The following MEIOB variants were observed in gnomAD, a reference collection of about 807,000 sequenced individuals.
The protein encoded by MEIOB is meiosis-specific with OB domain-containing protein.
In MEIOB, 50 loss-of-function variants were observed where a neutral mutation model predicts 53.1. The observed-to-expected ratio is 0.94, with a 90% CI of 0.75 to 1.19. The LOEUF is 1.19. Ranked by LOEUF, MEIOB falls within the 50% of genes most tolerant of loss-of-function variation. The pLI, the probability that MEIOB is intolerant of heterozygous loss-of-function variation, is 0.00. For missense variants in MEIOB, 551 were observed against 550.8 expected (o/e 1.00, Z 0.00); for synonymous variants, 192 against 182.5 (o/e 1.05, Z -0.42).
At position 1,857,747 on chromosome 16, in the gene MEIOB, T is replaced by C. The variant is rs950822144; in HGVS notation, c.516A>G (p.Ala172=). Residue 172 remains alanine, a synonymous_variant, in exon 6 of 14, where the codon GCA becomes GCG. Transcript: ENST00000325962. ...GGTTTTAACTTACCGATTTCACAGC[T>C]GCAAGCACGTTAATAATCCTCCCAT... ...SLNGRIINVL[A]AVKSVGEPKY... 1.9e-6 allele frequency: 3 copies of C among 1,551,320 alleles called. No individual in the cohort carries two copies. The highest frequency in any genetic ancestry group is 2.6e-6 in the Non-Finnish European group (3 of 1,146,886).
intron 2 of MEIOB, among the ~76,000 whole-genome samples, chr16:1,866,733 TAAAA>T (rs1567282384): frequency 8.4e-3 from 2 of 238 alleles, no homozygotes; most frequent in Admixed American, 0.033. Flanking sequence ...AAAATAAAAA[TAAAA>T]AAAAAATAAT....
In MEIOB at chr16:1,834,331, T is replaced by G; in HGVS notation, c.1341A>C (p.Lys447Asn). Residue 447 changes from lysine to asparagine, a missense_variant, in exon 14 of 14, where the codon AAA becomes AAC. Physicochemically the swap from Lys to Asn is moderately conservative, Grantham distance 94. Transcript: ENST00000325962. ...VLSHRARSGLKISVLSCKLAD... is the reference protein window; with the variant it reads ...VLSHRARSGLNISVLSCKLAD... The stretch of plus-strand genomic sequence containing the variant: ...CAAGCTTGCACGAGAGTACACTAAT[T>G]TTCAATCCACTCCTTGCTCTGTGTG... 1 of 1,612,516 alleles carries G rather than the reference T, an allele frequency of 6.2e-7. No homozygotes were observed. The highest frequency in any genetic ancestry group is 1.1e-5 in the South Asian group (1 of 90,936).
chr16:1,870,660 C>T (rs1040797984), intron 1 of MEIOB, among the ~76,000 whole-genome samples: 3 of 152,184 alleles, frequency 2.0e-5, no homozygotes, highest in Non-Finnish European at 4.4e-5. Context: ...GATGGCCCTG[C>T]TTGTCAATAT....
chr16:1,840,827 G>T (rs1596965155), intron 11 of MEIOB, among the ~76,000 whole-genome samples: 1 of 152,094 alleles, frequency 6.6e-6, no homozygotes, highest in Non-Finnish European at 1.5e-5. Context: ...TGGGATTACA[G>T]GCGTGAGCCA....
intron 13 of MEIOB, among the ~76,000 whole-genome samples, chr16:1,837,429 C>T (rs1898780873): frequency 6.6e-6 from 1 of 152,152 alleles, no homozygotes; most frequent in African/African-American, 2.4e-5. Context: ...TGGCCTCAAA[C>T]TCCTGGGTTC....
chr16:1,857,071 T>C (rs1392702553), intron 6 of MEIOB, among the ~76,000 whole-genome samples: 1 of 152,208 alleles, frequency 6.6e-6, no homozygotes, highest in Non-Finnish European at 1.5e-5. Context: ...CTAATTTTCA[T>C]GTACTTTATT....
intron 5 of MEIOB, among the ~76,000 whole-genome samples, chr16:1,858,901 C>T (rs2150820554): frequency 6.6e-6 from 1 of 152,300 alleles, no homozygotes; most frequent in South Asian, 2.1e-4. Flanking sequence ...CTCCATCTAA[C>T]CATCCATCCA....
chr16:1,871,519 C>CTTTTTTT (rs71148106), intron 1 of MEIOB, among the ~76,000 whole-genome samples: 3 of 39,816 alleles, frequency 7.5e-5, no homozygotes, highest in Non-Finnish European at 1.3e-4. Flanking sequence ...GCGCCCGGCC[C>CTTTTTTT]TTTTTTTTTT....
chr16:1,861,805 G>C (rs1320103177), intron 4 of MEIOB, among the ~76,000 whole-genome samples, 180 bp downstream of exon 4: 1 of 151,994 alleles, frequency 6.6e-6, no homozygotes, highest in Admixed American at 6.6e-5. Flanking sequence ...AAAGTGTTGG[G>C]ATTACAGGCA....
chr16:1,857,721 G>T lies in MEIOB; in HGVS notation c.528+14C>A. ...TGCCAGATTGCACTTGGCTTTGTCG[G>T]GGTTTTAACTTACCGATTTCACAGC... On this transcript the variant is annotated intron_variant, in intron 6 of 13. Transcript: ENST00000325962. The T allele has an allele frequency of 6.5e-7, 1 of 1,549,614 alleles. No individual in the cohort carries two copies. The highest frequency in any genetic ancestry group is 1.2e-5 in the South Asian group (1 of 83,442).
chr16:1,846,234 T>G (rs1402204912), intron 9 of MEIOB, among the ~76,000 whole-genome samples: 3 of 152,200 alleles, frequency 2.0e-5, no homozygotes, highest in Non-Finnish European at 4.4e-5. Flanking sequence ...GATGGGAACA[T>G]CTGCTGGAGT....
At chr16:1,848,386 T>G (rs191347786) in intron 9 of MEIOB, among the ~76,000 whole-genome samples, 14 of 152,306 alleles carry the variant, frequency 9.2e-5, no homozygotes, top group African/African-American at 3.4e-4. Flanking sequence ...GATAACTAGG[T>G]AACTCATCTC....
chr16:1,834,405 T>A, intron 13 of MEIOB, 39 bp from the exon 14 acceptor site: 1 of 1,115,160 alleles, frequency 9.0e-7, no homozygotes, highest in Non-Finnish European at 1.4e-6. Flanking sequence ...AAGGTTAATT[T>A]TTAAAATCCC....
intron 11 of MEIOB, among the ~76,000 whole-genome samples, chr16:1,841,322 G>A (rs188206201): frequency 1.0e-3 from 155 of 152,168 alleles, no homozygotes; most frequent in Non-Finnish European, 1.8e-3. Context: ...CCGGCCTGCA[G>A]TTTACTTTCT....
chr16:1,844,349 C>T (rs907715070), intron 10 of MEIOB, among the ~76,000 whole-genome samples: 1 of 151,998 alleles, frequency 6.6e-6, no homozygotes, highest in African/African-American at 2.4e-5. Context: ...GTCTCAAACT[C>T]CTGACCTCAA....
intron 10 of MEIOB, among the ~76,000 whole-genome samples, chr16:1,843,160 G>C (rs1415597009): frequency 1.3e-5 from 2 of 151,258 alleles, no homozygotes; most frequent in African/African-American, 4.8e-5. Context: ...CGGGCGTGGG[G>C]TGGGCGCCTG....
chr16:1,851,938 G>T (rs891029790), intron 9 of MEIOB, among the ~76,000 whole-genome samples: 48 of 152,134 alleles, frequency 3.2e-4, no homozygotes, highest in African/African-American at 1.0e-3. Context: ...AGCACCCTGG[G>T]AATGCTCACA....
chr16:1,866,035 A>G (rs541878391), intron 2 of MEIOB, among the ~76,000 whole-genome samples, 200 bp from the exon 3 acceptor site: 7 of 152,220 alleles, frequency 4.6e-5, no homozygotes, highest in Non-Finnish European at 1.0e-4. Flanking sequence ...AAGTAATCCA[A>G]AAGTTAACTA....
At chr16:1,866,812 A>G (rs1596986624) in intron 2 of MEIOB, among the ~76,000 whole-genome samples, 1 of 152,332 alleles carries the variant, frequency 6.6e-6, no homozygotes, top group Non-Finnish European at 1.5e-5. Context: ...TAATTGCAGC[A>G]ACTGATTTTA....
Sources: allele counts gnomAD v4.1 joint callset (sites outside exome capture counted in the v4.1 genomes callset), GRCh38; gene constraint gnomAD v4.1.1; transcripts MANE v1.5; gene names NCBI Gene and HGNC (gene_info 2026-07-23, HGNC 2026-07-21).